Variants in MAP2K1 observed in about 807,000 individuals in gnomAD.
MAP2K1 encodes dual specificity mitogen-activated protein kinase kinase 1.
MAP2K1 carries 16 observed loss-of-function variants against 46.3 expected under a neutral mutation model. That is an observed-to-expected ratio of 0.35 (90% CI 0.23 to 0.52). MAP2K1 has a LOEUF of 0.52. MAP2K1 is among the 20% of genes least tolerant of loss of function. The pLI is 0.94. For synonymous variants in MAP2K1, 183 were observed against 185.6 expected (o/e 0.99, Z 0.11); for missense variants, 263 against 497.1 (o/e 0.53, Z 4.48).
intron 10 of MAP2K1, chr15:66,489,967 G>A (rs1307764779): frequency 1.2e-5 from 8 of 642,158 alleles, no homozygotes; most frequent in Non-Finnish European, 2.2e-5. Flanking sequence ...CGCAGCCTGA[G>A]TAAGCATATG....
chr15:66,391,633 T>G (rs1282723462), intron 1 of MAP2K1, among the ~76,000 whole-genome samples: 1 of 152,230 alleles, frequency 6.6e-6, no homozygotes, highest in African/African-American at 2.4e-5. Flanking sequence ...TGGCACATAA[T>G]AGGTCCATAG....
chr15:66,399,434 A>G (rs762908689), intron 1 of MAP2K1, among the ~76,000 whole-genome samples: 13 of 150,964 alleles, frequency 8.6e-5, no homozygotes, highest in Non-Finnish European at 1.3e-4. Flanking sequence ...ATTAAATGCA[A>G]TCTCTCCCCT....
chr15:66,387,724 C>T (rs1401578452), intron 1 of MAP2K1, among the ~76,000 whole-genome samples: 1 of 152,212 alleles, frequency 6.6e-6, no homozygotes, highest in South Asian at 2.1e-4. Flanking sequence ...GCACGTCTCC[C>T]CTGCCTCCTC....
chr15:66,416,879 C>T (rs954339004), intron 1 of MAP2K1, among the ~76,000 whole-genome samples: 3 of 152,130 alleles, frequency 2.0e-5, no homozygotes, highest in Admixed American at 6.5e-5. Flanking sequence ...GCCATGGTAC[C>T]TCCTTTCCTT....
chr15:66,484,148 C>A (rs960750808), intron 6 of MAP2K1, among the ~76,000 whole-genome samples: 1 of 151,438 alleles, frequency 6.6e-6, no homozygotes, highest in Non-Finnish European at 1.5e-5. Flanking sequence ...CACCCCCCCC[C>A]ACCTTTTTTT....
chr15:66,436,320 T>G (rs1171518481), intron 2 of MAP2K1, among the ~76,000 whole-genome samples: 1 of 152,220 alleles, frequency 6.6e-6, no homozygotes, highest in Non-Finnish European at 1.5e-5. Flanking sequence ...CACCTTAGAC[T>G]TTGGCTTAGT....
At chr15:66,410,119 C>G (rs1159164166) in intron 1 of MAP2K1, among the ~76,000 whole-genome samples, 1 of 152,248 alleles carries the variant, frequency 6.6e-6, no homozygotes, top group Non-Finnish European at 1.5e-5. Context: ...GATCCGTTGA[C>G]TTCTCTCCTG....
intron 5 of MAP2K1, 126 bp from the exon 6 acceptor site, chr15:66,481,629 C>G (rs1351862246): frequency 2.8e-5 from 31 of 1,091,464 alleles, no homozygotes; most frequent in Non-Finnish European, 4.0e-5. Context: ...AGGGCTGCCT[C>G]TGATGGCGGA....
At chr15:66,424,816 C>A (rs7176130) in intron 1 of MAP2K1, among the ~76,000 whole-genome samples, 120,660 of 123,866 alleles carry the variant, frequency 0.97, 58,786 homozygotes, top group Non-Finnish European at 0.99. Context: ...TTTTTTTTTG[C>A]GATGGAATTT....
chr15:66,476,432 C>T (rs1892756666), intron 5 of MAP2K1, among the ~76,000 whole-genome samples: 1 of 152,070 alleles, frequency 6.6e-6, no homozygotes, highest in Non-Finnish European at 1.5e-5. Context: ...AGGGCATTAT[C>T]CCAAGTTGGG....
intron 5 of MAP2K1, among the ~76,000 whole-genome samples, chr15:66,474,911 A>G (rs1358764315): frequency 6.6e-6 from 1 of 152,038 alleles, no homozygotes; most frequent in Non-Finnish European, 1.5e-5. Context: ...TCAAAAAAAA[A>G]AAAAAAAGTA....
chr15:66,490,692 T>C lies in MAP2K1; in HGVS notation c.*77T>C. ...CGCTTTTGGGCCTCCTTCCCATGCC[T>C]GTCTCTGTTCAGATGTGCATTTCAC... is the stretch of plus-strand genomic sequence containing the variant. On this transcript the variant is annotated 3_prime_UTR_variant, in exon 11 of 11. Coordinates refer to ENST00000307102, the MANE Select transcript of MAP2K1 (RefSeq NM_002755.4). 4 of 1,010,512 alleles carry C rather than the reference T, an allele frequency of 4.0e-6. No homozygotes were observed. Among genetic ancestry groups the C allele is most frequent in the Non-Finnish European group, 6.3e-6 (4 of 631,896 alleles). The allele number at this position is 1,010,512 out of a possible 1,614,324, so 62.6% of individuals were successfully genotyped here. A position where few individuals can be genotyped will look rare whatever the true frequency, so the allele number is the denominator to read the frequency against.
intron 5 of MAP2K1, among the ~76,000 whole-genome samples, chr15:66,455,571 G>T (rs7181936): frequency 0.31 from 46,520 of 152,052 alleles, 7,566 homozygotes; most frequent in Admixed American, 0.39. Context: ...CCACCTAGGT[G>T]GTAGCCTCTT....
intron 1 of MAP2K1, among the ~76,000 whole-genome samples, chr15:66,413,561 A>G (rs557044885): frequency 6.6e-6 from 1 of 152,380 alleles, no homozygotes; most frequent in African/African-American, 2.4e-5. Flanking sequence ...AATAATTACA[A>G]GAATTCAGCA....
chr15:66,411,928 T>G lies in MAP2K1; in HGVS notation c.81-23099T>G, dbSNP rs1038164365. Among the ~76,000 whole-genome samples, 13 of 152,292 alleles carry G rather than the reference T, an allele frequency of 8.5e-5. No homozygotes were observed. The East Asian group carries it at 2.5e-3, about 29-fold the overall frequency. On this transcript the variant is annotated intron_variant, in intron 1 of 10. Coordinates refer to ENST00000307102, the MANE Select transcript of MAP2K1 (RefSeq NM_002755.4). ...TAAGGCAGGAGAGAGATCTTGCCCA[T>G]GGTTAGATGACCAGTTACCAGCAGA...
intron 1 of MAP2K1, among the ~76,000 whole-genome samples, chr15:66,403,436 G>A (rs1299566354): frequency 6.6e-6 from 1 of 152,104 alleles, no homozygotes; most frequent in East Asian, 1.9e-4. Context: ...TAGTAGGAGG[G>A]CCTATTTTTA....
intron 5 of MAP2K1, among the ~76,000 whole-genome samples, chr15:66,446,209 A>G (rs1193359611): frequency 6.6e-6 from 1 of 151,228 alleles, no homozygotes; most frequent in Non-Finnish European, 1.5e-5. Flanking sequence ...GACGAGCAAG[A>G]CTCCGTCTCA....
chr15:66,479,062 T>C (rs1339931728), intron 5 of MAP2K1, among the ~76,000 whole-genome samples: 1 of 151,500 alleles, frequency 6.6e-6, no homozygotes, highest in Admixed American at 6.6e-5. Context: ...TGTGTGACTT[T>C]GAACAAGTTG....
At chr15:66,490,387 C>T in intron 10 of MAP2K1, 115 bp from the exon 11 acceptor site, 2 of 820,150 alleles carry the variant, frequency 2.4e-6, no homozygotes, top group Non-Finnish European at 2.1e-6. Context: ...GTGCCAGGTG[C>T]TCTTTCCAAG....
Sources: gnomAD v4.1 joint callset for allele counts (sites outside exome capture counted in the v4.1 genomes callset) on GRCh38, gnomAD v4.1.1 for gene constraint, MANE v1.5 for transcripts, NCBI Gene and HGNC (gene_info 2026-07-23, HGNC 2026-07-21) for gene names.